The following IGFL2 variants were observed in gnomAD, a reference collection of about 807,000 sequenced individuals.
IGFL2 encodes the protein insulin growth factor-like family member 2.
A neutral mutation model predicts 13.9 loss-of-function variants in IGFL2; 7 were observed. The ratio of observed to expected loss-of-function variants is 0.51; its 90% CI spans 0.29 to 0.95. The LOEUF is 0.95. IGFL2 is among the 40% of genes least tolerant of loss of function. The pLI is 0.08. For missense variants in IGFL2, 138 were observed against 147.8 expected (o/e 0.93, Z 0.34); for synonymous variants, 55 against 55.8 (o/e 0.99, Z 0.07).
At chr19:46,164,323 C>T (rs990026759), downstream of IGFL2, 1 of 152,172 alleles carries the variant, frequency 6.6e-6, no homozygotes, top group Non-Finnish European at 1.5e-5. Context: ...GAAGTCTGAC[C>T]ACCTTTTGGT....
At chr19:46,138,802 G>A (rs995921983), upstream of IGFL2, among the ~76,000 whole-genome samples, 4 of 152,114 alleles carry the variant, frequency 2.6e-5, no homozygotes, top group East Asian at 1.9e-4. Context: ...GTATCAGACT[G>A]GCCCCATCTC....
At chr19:46,094,377 A>G in the IGFL2 span, among the ~76,000 whole-genome samples, 2 of 152,178 alleles carry the variant, frequency 1.3e-5, no homozygotes, top group Non-Finnish European at 1.5e-5. Flanking sequence ...ATTTTATTGG[A>G]TAAGCAATGT....
the IGFL2 span, among the ~76,000 whole-genome samples, chr19:46,089,494 G>A: frequency 6.6e-6 from 1 of 151,986 alleles, no homozygotes; most frequent in Non-Finnish European, 1.5e-5. Context: ...TTACTCATTA[G>A]CATTTTTTTC....
chr19:46,167,306 T>C, the IGFL2 span, among the ~76,000 whole-genome samples: 2 of 152,142 alleles, frequency 1.3e-5, no homozygotes, highest in Non-Finnish European at 2.9e-5. Context: ...TACACATCTG[T>C]CAATAATGTC....
At chr19:46,084,526 T>TA in the IGFL2 span, among the ~76,000 whole-genome samples, 1 of 152,036 alleles carries the variant, frequency 6.6e-6, no homozygotes, top group Admixed American at 6.6e-5. Flanking sequence ...ATAATTTATA[T>TA]AAAAAAAGAG....
chr19:46,173,841 A>G, the IGFL2 span: 11 of 152,360 alleles, frequency 7.2e-5, 1 homozygote, highest in East Asian at 2.1e-3. Context: ...CCAACCACAG[A>G]TGCTGTGCCA....
chr19:46,180,841 A>G, the IGFL2 span, among the ~76,000 whole-genome samples: 1 of 152,374 alleles, frequency 6.6e-6, no homozygotes, highest in East Asian at 1.9e-4. Flanking sequence ...CATCCAGCAC[A>G]GAAGAAAGAT....
chr19:46,086,850 A>T, the IGFL2 span, among the ~76,000 whole-genome samples: 1 of 152,060 alleles, frequency 6.6e-6, no homozygotes, highest in African/African-American at 2.4e-5. Flanking sequence ...GATTGTGGGT[A>T]CATGCAGTAG....
the IGFL2 span, among the ~76,000 whole-genome samples, chr19:46,084,663 T>A: frequency 6.6e-6 from 1 of 151,996 alleles, no homozygotes; most frequent in Non-Finnish European, 1.5e-5. Flanking sequence ...AGAGAGAGAG[T>A]GTGTGTGGGA....
At chr19:46,105,541 G>A in the IGFL2 span, among the ~76,000 whole-genome samples, 1 of 152,148 alleles carries the variant, frequency 6.6e-6, no homozygotes, top group African/African-American at 2.4e-5. Flanking sequence ...GGTCAGGTGG[G>A]GTATCAGGAA....
At chr19:46,149,052 C>T in intron 1 of IGFL2, 1 of 1,593,444 alleles carries the variant, frequency 6.3e-7, no homozygotes, top group Non-Finnish European at 8.6e-7. Flanking sequence ...GTAAGGGCAG[C>T]CCAGGCAGTG....
chr19:46,097,509 C>A, the IGFL2 span, among the ~76,000 whole-genome samples: 1 of 151,968 alleles, frequency 6.6e-6, no homozygotes, highest in Non-Finnish European at 1.5e-5. Flanking sequence ...GTCTCTATCT[C>A]CTTCAGTTCC....
chr19:46,130,271 T>A, the IGFL2 span, among the ~76,000 whole-genome samples: 1 of 152,202 alleles, frequency 6.6e-6, no homozygotes, highest in Non-Finnish European at 1.5e-5. Flanking sequence ...ATGGACTGCA[T>A]GCAGTTTCAA....
chr19:46,137,697 G>C, the IGFL2 span: 1 of 538,372 alleles, frequency 1.9e-6, no homozygotes, highest in Admixed American at 2.6e-5. Flanking sequence ...CCGGCTTCAG[G>C]GAGAGGGTTT....
downstream of IGFL2, among the ~76,000 whole-genome samples, chr19:46,165,875 CTT>C (rs2146907913): frequency 1.3e-5 from 2 of 152,366 alleles, no homozygotes; most frequent in African/African-American, 4.8e-5. Flanking sequence ...CTTTAAGGGA[CTT>C]ACCATGTGGC....
the IGFL2 span, chr19:46,123,839 C>G: frequency 6.4e-7 from 1 of 1,553,358 alleles, no homozygotes; most frequent in South Asian, 1.2e-5. Flanking sequence ...CTGTATCCCT[C>G]ATCCCTCCCT....
chr19:46,188,573 A>G, the IGFL2 span, among the ~76,000 whole-genome samples: 1 of 152,196 alleles, frequency 6.6e-6, no homozygotes, highest in Non-Finnish European at 1.5e-5. Flanking sequence ...GGCTTACAAT[A>G]GACCTCCTGG....
the IGFL2 span, among the ~76,000 whole-genome samples, chr19:46,205,438 G>C: frequency 2.0e-5 from 3 of 152,164 alleles, no homozygotes; most frequent in African/African-American, 7.2e-5. Flanking sequence ...AAGTCCATTT[G>C]CATAATAAGA....
downstream of IGFL2, among the ~76,000 whole-genome samples, chr19:46,165,766 G>A (rs556551484): frequency 1.3e-5 from 2 of 152,324 alleles, no homozygotes; most frequent in South Asian, 4.1e-4. Context: ...CTTGATACAG[G>A]CAAAGGACAT....
Sources: allele counts gnomAD v4.1 joint callset (sites outside exome capture counted in the v4.1 genomes callset), GRCh38; gene constraint gnomAD v4.1.1; transcripts MANE v1.5; gene names NCBI Gene and HGNC (gene_info 2026-07-23, HGNC 2026-07-21).